Variants in N4BP2 observed in about 807,000 individuals in gnomAD.
N4BP2 encodes the protein NEDD4-binding protein 2.
In N4BP2, 91 loss-of-function variants were observed where a neutral mutation model predicts 152.8. The observed-to-expected ratio is 0.60, with a 90% CI of 0.50 to 0.71. N4BP2 has a LOEUF of 0.71. N4BP2 is among the 30% of genes least tolerant of loss of function. The pLI is 0.00. For missense variants in N4BP2, 1,923 were observed against 2,059.1 expected, an observed-to-expected ratio of 0.93 and a Z score of 1.28; for synonymous variants, 646 against 705.3, an observed-to-expected ratio of 0.92 and a Z score of 1.33.
the N4BP2 span, among the ~76,000 whole-genome samples, chr4:40,172,140 C>T: frequency 1.3e-5 from 2 of 152,104 alleles, no homozygotes; most frequent in Non-Finnish European, 2.9e-5. Context: ...TCTTGAACTC[C>T]TGACCTCAAG....
At chr4:40,150,819 G>T (rs376691776) in intron 16 of N4BP2, among the ~76,000 whole-genome samples, 1 of 152,142 alleles carries the variant, frequency 6.6e-6, no homozygotes, top group East Asian at 1.9e-4. Flanking sequence ...CAATCTTGAT[G>T]CCAACAAATT....
intron 5 of N4BP2, among the ~76,000 whole-genome samples, chr4:40,110,490 G>A (rs1716765786): frequency 6.6e-6 from 1 of 152,150 alleles, no homozygotes; most frequent in Non-Finnish European, 1.5e-5. Flanking sequence ...TTTCTCTGAT[G>A]GCTAATGATG....
chr4:40,120,547 C>G lies in N4BP2; in HGVS notation c.2436C>G (p.Ser812=). 1 of 1,613,788 alleles carries G rather than the reference C, an allele frequency of 6.2e-7. No homozygotes were observed. The highest frequency in any genetic ancestry group is 8.5e-7 in the Non-Finnish European group (1 of 1,179,940). ...KRNRKTEKTS[S]VQSDKKYNYP... is the part of the protein sequence containing the mutation. ...ACAGAAAAACTGAAAAAACTTCATC[C>G]GTACAAAGCGACAAAAAGTATAATT... The change falls in exon 9 of 18, where the codon TCC becomes TCG. Residue 812 remains serine (S), a synonymous_variant. Transcript: ENST00000261435.
At chr4:40,177,475 G>C in the N4BP2 span, among the ~76,000 whole-genome samples, 1 of 152,074 alleles carries the variant, frequency 6.6e-6, no homozygotes, top group African/African-American at 2.4e-5. Flanking sequence ...AATTAGCTGC[G>C]CATGGTGGCA....
the N4BP2 span, among the ~76,000 whole-genome samples, chr4:40,168,029 G>A: frequency 2.6e-5 from 4 of 152,108 alleles, no homozygotes; most frequent in African/African-American, 9.7e-5. Context: ...AATAAAATAT[G>A]TGTTTGATGA....
intron 15 of N4BP2, 131 bp downstream of exon 15, chr4:40,142,992 A>C (rs1481994519): frequency 2.8e-6 from 2 of 703,884 alleles, no homozygotes; most frequent in Non-Finnish European, 4.7e-6. Flanking sequence ...AAGTGACATA[A>C]ATAAGGTATC....
intron 1 of N4BP2, among the ~76,000 whole-genome samples, chr4:40,070,549 A>G (rs978310940): frequency 6.6e-6 from 1 of 152,094 alleles, no homozygotes; most frequent in African/African-American, 2.4e-5. Context: ...CCCAGGCTCA[A>G]GCCATTCTCC....
chr4:40,172,779 T>C, the N4BP2 span, among the ~76,000 whole-genome samples: 6 of 152,250 alleles, frequency 3.9e-5, no homozygotes, highest in African/African-American at 1.4e-4. Flanking sequence ...AGCAGTGTGT[T>C]TGAATCTGTG....
chr4:40,112,141 A>C lies in N4BP2; in HGVS notation c.1556A>C (p.Gln519Pro). The change falls in exon 6 of 18, where the codon CAG becomes CCG. Residue 519 changes from glutamine (Q) to proline (P), a missense_variant. By Grantham distance (76) the Gln-to-Pro change is moderately conservative. Coordinates refer to ENST00000261435, the MANE Select transcript of N4BP2 (RefSeq NM_018177.6). ...SPIIIDNTNL[Q>P]AWEMKPYVAL... The stretch of plus-strand genomic sequence containing the variant: ...ATAATTATAGATAATACAAACCTAC[A>C]GGCATGGGAAATGAAACCATATGTT... The C allele has an allele frequency of 1.3e-6, 2 of 1,579,728 alleles. No individual in the cohort carries two copies. Among genetic ancestry groups the C allele is most frequent in the Non-Finnish European group, 8.6e-7 (1 of 1,158,266 alleles).
Position 40,126,194 on chromosome 4 carries a change from C to G in N4BP2, c.4391C>G (p.Thr1464Arg), listed in dbSNP as rs780509049. 1 of 1,608,396 alleles carries G rather than the reference C, an allele frequency of 6.2e-7. No individual in the cohort carries two copies. The highest frequency in any genetic ancestry group is 1.3e-5 in the African/African-American group (1 of 74,572). ...CCTGAACAAAAATCATCTCAGAGAA[C>G]AGGCAAAAAATTACTGAAGACTTTA... ...DNPEQKSSQRTGKKLLKTLTA... is the reference protein window; with the variant it reads ...DNPEQKSSQRRGKKLLKTLTA... Residue 1464 changes from threonine (T) to arginine (R), a missense_variant, in exon 12 of 18, where the codon ACA becomes AGA. Thr to Arg is a moderately conservative substitution (Grantham distance 71). Transcript: ENST00000261435.
intron 11 of N4BP2, among the ~76,000 whole-genome samples, chr4:40,125,615 G>A (rs1560621416): frequency 6.6e-6 from 1 of 152,336 alleles, no homozygotes; most frequent in East Asian, 1.9e-4. Flanking sequence ...GCCGGGTGCG[G>A]TGGCTCACGC....
chr4:40,113,442 A>C lies in N4BP2; in HGVS notation c.1598A>C (p.His533Pro), dbSNP rs752201004. Residue 533 changes from histidine (H) to proline (P), a missense_variant, in exon 7 of 18, where the codon CAC becomes CCC. Coordinates refer to ENST00000261435, the MANE Select transcript of N4BP2 (RefSeq NM_018177.6). The stretch of plus-strand genomic sequence containing the variant: ...CTTTGTTGTATGTAGTCTCAGAAAC[A>C]CAAATATAAAGTCCTTTTTCGGGAA... ...MKPYVALSQK[H>P]KYKVLFREPD... The C allele has an allele frequency of 6.2e-7, 1 of 1,611,028 alleles. No individual in the cohort carries two copies. The highest frequency in any genetic ancestry group is 8.5e-7 in the Non-Finnish European group (1 of 1,177,628).
In N4BP2 at chr4:40,103,187, C is replaced by T; in HGVS notation, c.1342C>T (p.Leu448Phe). Residue 448 changes from leucine to phenylalanine, a missense_variant, in exon 4 of 18, where the codon CTT (leucine) becomes TTT (phenylalanine). Leu to Phe is a conservative substitution (Grantham distance 22). Coordinates refer to ENST00000261435, the MANE Select transcript of N4BP2 (RefSeq NM_018177.6). ...ACTAGTTCTTGTTCTTCTCAGAGGT[C>T]TTCCGGGATCTGGAAAATCTTTTTT... ...VGLVLVLLRG[L>F]PGSGKSFLAR... The T allele has an allele frequency of 6.2e-7, 1 of 1,607,288 alleles. No individual in the cohort carries two copies. Among genetic ancestry groups the T allele is most frequent in the Non-Finnish European group, 8.5e-7 (1 of 1,177,020 alleles).
chr4:40,137,438 A>C (rs946355348), intron 14 of N4BP2, among the ~76,000 whole-genome samples: 3 of 152,238 alleles, frequency 2.0e-5, no homozygotes, highest in Non-Finnish European at 4.4e-5. Flanking sequence ...TTTTTCCCAA[A>C]GTGGCTCTAC....
At chr4:40,144,329 T>G (rs927829555) in intron 15 of N4BP2, among the ~76,000 whole-genome samples, 6 of 152,278 alleles carry the variant, frequency 3.9e-5, no homozygotes, top group Middle Eastern at 3.4e-3. Context: ...TCCAGTCAAA[T>G]TGATACCTAA....
At position 40,103,180 on chromosome 4, in the gene N4BP2, C is replaced by T; in HGVS notation, c.1335C>T (p.Leu445=). Residue 445 remains leucine (L), a synonymous_variant, in exon 4 of 18, where the codon CTC becomes CTT. Transcript: ENST00000261435. ...TSYVGLVLVL[L]RGLPGSGKSF... ...ACGTTGGACTAGTTCTTGTTCTTCT[C>T]AGAGGTCTTCCGGGATCTGGAAAAT... 1.2e-6 allele frequency: 2 copies of T among 1,612,890 alleles called. No individual in the cohort carries two copies. Among genetic ancestry groups the T allele is most frequent in the South Asian group, 1.1e-5 (1 of 90,952 alleles).
rs1424389031 is a variant in N4BP2, at chr4:40,142,564, G to A, written c.4786-109G>A. On this transcript the variant is annotated intron_variant, in intron 14 of 17. Coordinates refer to ENST00000261435, the MANE Select transcript of N4BP2 (RefSeq NM_018177.6). ...GGAGAATCTATTTCCTGAGGAGAGAGATGAAAATATACGACAGCCCAGTTT... is the reference window on the plus strand; with the variant it reads ...GGAGAATCTATTTCCTGAGGAGAGAAATGAAAATATACGACAGCCCAGTTT... 4.4e-6 allele frequency: 3 copies of A among 681,516 alleles called. No homozygotes were observed. The African/African-American group carries it at 5.4e-5, about 12-fold the overall frequency. 42.2% of individuals were successfully genotyped at this position (681,516 alleles called of 1,614,324 possible). A position where few individuals can be genotyped will look rare whatever the true frequency, so the allele number is the denominator to read the frequency against.
At chr4:40,186,104 T>C in the N4BP2 span, among the ~76,000 whole-genome samples, 2 of 152,194 alleles carry the variant, frequency 1.3e-5, no homozygotes, top group Non-Finnish European at 2.9e-5. Context: ...ACAGGCCTTT[T>C]AAGAGGTTTG....
intron 7 of N4BP2, among the ~76,000 whole-genome samples, chr4:40,113,889 G>A (rs957940282): frequency 1.3e-5 from 2 of 152,118 alleles, no homozygotes. Context: ...ACCATGCCCA[G>A]CCTGTACTTT....
Sources: gnomAD v4.1 joint callset for allele counts (sites outside exome capture counted in the v4.1 genomes callset) on GRCh38, gnomAD v4.1.1 for gene constraint, MANE v1.5 for transcripts, NCBI Gene and HGNC (gene_info 2026-07-23, HGNC 2026-07-21) for gene names.